The following PRDM10 variants were observed in gnomAD, a reference collection of about 807,000 sequenced individuals.
PRDM10 encodes the protein PR domain zinc finger protein 10.
A neutral mutation model predicts 133.1 loss-of-function variants in PRDM10; 65 were observed. The ratio of observed to expected loss-of-function variants is 0.49; its 90% CI spans 0.40 to 0.60. The LOEUF is 0.60. Among genes scored for constraint, PRDM10 ranks in the 20% least tolerant of loss-of-function variants. The pLI, the probability that PRDM10 is intolerant of heterozygous loss-of-function variation, is 0.00. For missense variants in PRDM10, 1,137 were observed against 1,507.1 expected (o/e 0.75, Z 4.07); for synonymous variants, 582 against 580.4 (o/e 1.00, Z -0.04).
chr11:129,913,307 TGCACTCGCA>T (rs1222291351), intron 17 of PRDM10, among the ~76,000 whole-genome samples: 1 of 151,286 alleles, frequency 6.6e-6, no homozygotes, highest in African/African-American at 2.4e-5. Context: ...GCTCCAATGC[TGCACTCGCA>T]GATAGCCCAC....
chr11:129,991,818 A>G (rs1296163242), intron 1 of PRDM10, among the ~76,000 whole-genome samples: 4 of 116,196 alleles, frequency 3.4e-5, no homozygotes, highest in Non-Finnish European at 6.7e-5. Flanking sequence ...ACTCCATCTC[A>G]AAAAAAAAAA....
In PRDM10 at chr11:129,918,511, G is replaced by A. The variant is rs1294539190; in HGVS notation, c.2214+28C>T. On this transcript the variant is annotated intron_variant, in intron 14 of 20. Transcript: ENST00000360871. This position sits in a 1 kb window ranked among gnomAD's most constrained non-coding sequence, Gnocchi z 5.3. ...AGCAATGAGGTATGCTGGGAAGACA[G>A]AGGAACCCGCAGCCACTGGGCACTG... is the stretch of plus-strand genomic sequence containing the variant. The A allele has an allele frequency of 6.2e-7, 1 of 1,605,694 alleles. No homozygotes were observed. Among genetic ancestry groups the A allele is most frequent in the Non-Finnish European group, 8.5e-7 (1 of 1,175,338 alleles).
intron 8 of PRDM10, among the ~76,000 whole-genome samples, chr11:129,936,324 TA>T (rs1321707533): frequency 6.6e-6 from 1 of 151,682 alleles, no homozygotes; most frequent in Non-Finnish European, 1.5e-5. Flanking sequence ...TTATAATAAA[TA>T]TAAAAGATTA....
intron 3 of PRDM10, among the ~76,000 whole-genome samples, chr11:129,956,662 T>C (rs7933850): frequency 0.15 from 22,114 of 152,238 alleles, 2,727 homozygotes; most frequent in East Asian, 0.51. Flanking sequence ...GACATTCTTA[T>C]ATAAACTAAT....
chr11:129,947,638 G>A lies in PRDM10; in HGVS notation c.295-268C>T. 8.6e-7 allele frequency: 1 copy of A among 1,160,584 alleles called. No individual in the cohort carries two copies. The highest frequency in any genetic ancestry group is 1.2e-6 in the Non-Finnish European group (1 of 862,982). 71.9% of individuals were successfully genotyped at this position (1,160,584 alleles called of 1,614,324 possible). ...TGGGAGGGCTGCTAAGAAGGCTCAG[G>A]TGCTCCCTCCTTTGGCAGCAGTGGG... On this transcript the variant is annotated intron_variant, in intron 4 of 20. Transcript: ENST00000360871. The surrounding 1 kb of genome is among the most constrained non-coding windows in gnomAD (Gnocchi z 4.6).
intron 1 of PRDM10, among the ~76,000 whole-genome samples, chr11:129,992,738 AAC>A (rs539808558): frequency 2.0e-5 from 3 of 152,252 alleles, no homozygotes; most frequent in Non-Finnish European, 4.4e-5. Flanking sequence ...AATTTTTTAA[AAC>A]ACAAGAATAC....
Position 129,918,572 on chromosome 11 carries a change from C to G in PRDM10, c.2181G>C (p.Leu727=). The G allele has an allele frequency of 6.2e-7, 1 of 1,614,158 alleles. No homozygotes were observed. Among genetic ancestry groups the G allele is most frequent in the Non-Finnish European group, 8.5e-7 (1 of 1,180,010 alleles). The change falls in exon 14 of 21, where the codon CTG becomes CTC. Residue 727 remains leucine, a synonymous_variant. Coordinates refer to ENST00000360871, the MANE Select transcript of PRDM10 (RefSeq NM_199437.2). This position sits in a 1 kb window ranked among gnomAD's most constrained non-coding sequence, Gnocchi z 5.3. ...DYDSFTFKCR[L]CMMGFRRRGM... is the part of the protein sequence containing the mutation. ...CGCGCCGCCGGAAGCCCATCATGCA[C>G]AGGCGGCACTTGAACGTGAAGCTGT... is the stretch of plus-strand genomic sequence containing the variant.
At chr11:129,903,645 C>T (rs1190564873) in intron 20 of PRDM10, among the ~76,000 whole-genome samples, 1 of 152,142 alleles carries the variant, frequency 6.6e-6, no homozygotes, top group African/African-American at 2.4e-5. Context: ...GGAAGAGAGA[C>T]GTCGCAGAGA....
chr11:129,911,992 G>T, intron 18 of PRDM10, 93 bp downstream of exon 18: 1 of 1,378,338 alleles, frequency 7.3e-7, no homozygotes, highest in Non-Finnish European at 9.6e-7. Context: ...TAGCTGAGGA[G>T]ACTAGGTCTG....
chr11:129,929,559 GA>G (rs577860588), intron 11 of PRDM10: 41 of 684,782 alleles, frequency 6.0e-5, no homozygotes, highest in East Asian at 1.9e-4. Flanking sequence ...ATGTGTGAGA[GA>G]AAAAAAAACA....
At chr11:129,972,233 T>C (rs1403008154) in intron 1 of PRDM10, among the ~76,000 whole-genome samples, 1 of 152,156 alleles carries the variant, frequency 6.6e-6, no homozygotes, top group Non-Finnish European at 1.5e-5. Flanking sequence ...CTGAGGGAGC[T>C]GGCTCTGGCC....
At chr11:129,905,839 G>C (rs573303920) in intron 19 of PRDM10, 98 bp from the exon 20 acceptor site, 2 of 1,000,376 alleles carry the variant, frequency 2.0e-6, no homozygotes, top group Admixed American at 4.0e-5. Context: ...GCACTGATTT[G>C]CTTGCCATGA....
chr11:129,995,255 G>A (rs548570501), intron 1 of PRDM10, among the ~76,000 whole-genome samples: 1 of 152,318 alleles, frequency 6.6e-6, no homozygotes, highest in South Asian at 2.1e-4. Flanking sequence ...GGAAGAGACT[G>A]AAACCTTATT....
chr11:129,908,818 G>A (rs1432691332), intron 19 of PRDM10, among the ~76,000 whole-genome samples: 1 of 151,774 alleles, frequency 6.6e-6, no homozygotes, highest in Admixed American at 6.6e-5. Context: ...CCAGGCTGGA[G>A]TGCAGTGGCA....
chr11:129,953,343 G>A (rs1411965075), intron 4 of PRDM10, among the ~76,000 whole-genome samples: 1 of 152,048 alleles, frequency 6.6e-6, no homozygotes, highest in Non-Finnish European at 1.5e-5. Flanking sequence ...TGCCAGGCTG[G>A]AGTGCAGTGG....
rs934417410 is a variant in PRDM10, at chr11:129,958,021, C to T, written c.70-111G>A. ...AATGACAGGAGAATGGGGATGGATA[C>T]ACCTTTGTCTACACCGAGGTGGTGA... On this transcript the variant is annotated intron_variant, in intron 2 of 20. Coordinates refer to ENST00000360871, the MANE Select transcript of PRDM10 (RefSeq NM_199437.2). 11 of 1,247,610 alleles carry T rather than the reference C, an allele frequency of 8.8e-6. No homozygotes were observed. In the East Asian group the frequency reaches 9.4e-5, roughly 11 times the overall value. 77.3% of individuals were successfully genotyped at this position (1,247,610 alleles called of 1,614,324 possible). A position where few individuals can be genotyped will look rare whatever the true frequency, so the allele number is the denominator to read the frequency against.
intron 1 of PRDM10, among the ~76,000 whole-genome samples, chr11:129,980,271 T>C (rs1299646572): frequency 1.3e-5 from 2 of 152,100 alleles, no homozygotes; most frequent in East Asian, 1.9e-4. Context: ...TTATTTATCA[T>C]AGCCAAAAGG....
At chr11:129,995,161 G>A (rs557439840) in intron 1 of PRDM10, among the ~76,000 whole-genome samples, 1 of 152,158 alleles carries the variant, frequency 6.6e-6, no homozygotes, top group African/African-American at 2.4e-5. Context: ...TTTATCCAGT[G>A]ATAAAGTACT....
chr11:129,933,220 T>A (rs1950925797), intron 9 of PRDM10, among the ~76,000 whole-genome samples: 1 of 152,226 alleles, frequency 6.6e-6, no homozygotes, highest in South Asian at 2.1e-4. Flanking sequence ...ATACTATATA[T>A]TTTTTCCAGG....
Sources: gnomAD v4.1 joint callset for allele counts (sites outside exome capture counted in the v4.1 genomes callset) on GRCh38, gnomAD v4.1.1 for gene constraint, Gnocchi (gnomAD v3.1) non-coding constraint, MANE v1.5 for transcripts, NCBI Gene and HGNC (gene_info 2026-07-23, HGNC 2026-07-21) for gene names.